GAP43: variants seen among roughly 807,000 people sequenced by gnomAD.
The protein encoded by GAP43 is growth associated protein 43.
In GAP43, 6 loss-of-function variants were observed where a neutral mutation model predicts 18.6. That is an observed-to-expected ratio of 0.32 (90% CI 0.18 to 0.64). The LOEUF (loss-of-function observed/expected upper bound fraction) is 0.64. GAP43 is among the 30% of genes least tolerant of loss of function. GAP43 has a pLI of 0.78. For synonymous variants in GAP43, 115 were observed against 111.4 expected (o/e 1.03, Z -0.20); for missense variants, 292 against 295.5 (o/e 0.99, Z 0.09).
In GAP43 at chr3:115,638,559, T is replaced by A. The variant is rs182666739; in HGVS notation, c.30+14840T>A. ...GGGATGCTCTCAATCTGATTTTTTTTAAAAAGTATTTACTTTTCAATATTC... is the reference window on the plus strand; with the variant it reads ...GGGATGCTCTCAATCTGATTTTTTTAAAAAAGTATTTACTTTTCAATATTC... On this transcript the variant is annotated intron_variant, in intron 1 of 2. Coordinates refer to ENST00000305124, the MANE Select transcript of GAP43 (RefSeq NM_002045.4). Among the ~76,000 whole-genome samples, 846 of 151,960 alleles carry A rather than the reference T, an allele frequency of 5.6e-3. 8 individuals carry two copies. Among genetic ancestry groups the A allele is most frequent in the African/African-American group, 0.019 (786 of 41,498 alleles).
At chr3:115,632,707 TA>T (rs966827242) in intron 1 of GAP43, among the ~76,000 whole-genome samples, 6 of 151,978 alleles carry the variant, frequency 3.9e-5, no homozygotes, top group African/African-American at 7.2e-5. Context: ...AAGTTTAGCA[TA>T]AAAAAATTAG....
intron 2 of GAP43, among the ~76,000 whole-genome samples, chr3:115,683,896 C>G (rs942622413): frequency 6.6e-6 from 1 of 151,920 alleles, no homozygotes; most frequent in African/African-American, 2.4e-5. Flanking sequence ...ACTAACAGGT[C>G]TAAGTATTTG....
At position 115,720,996 on chromosome 3, in the gene GAP43, G is replaced by T; in HGVS notation, c.*114G>T. 2.0e-6 allele frequency: 1 copy of T among 496,908 alleles called. No individual in the cohort carries two copies. Among genetic ancestry groups the T allele is most frequent in the Non-Finnish European group, 3.6e-6 (1 of 275,812 alleles). The allele number at this position is 496,908 out of a possible 1,614,324, so 30.8% of individuals were successfully genotyped here. A position where few individuals can be genotyped will look rare whatever the true frequency, so the allele number is the denominator to read the frequency against. ...CTTCCTGTCCTGCTCACGTCTGTGA[G>T]TCTGTCCTTTCCCACCCACTAGCCC... On this transcript the variant is annotated 3_prime_UTR_variant, in exon 3 of 3. Transcript: ENST00000305124.
At chr3:115,623,801 T>A in intron 1 of GAP43, 82 bp downstream of exon 1, 1 of 1,440,218 alleles carries the variant, frequency 6.9e-7, no homozygotes, top group Non-Finnish European at 9.8e-7. Context: ...ACAATTTTTT[T>A]ACTGCTTCTG....
chr3:115,625,068 A>G (rs1708169780), intron 1 of GAP43, among the ~76,000 whole-genome samples: 1 of 152,032 alleles, frequency 6.6e-6, no homozygotes, highest in Non-Finnish European at 1.5e-5. Flanking sequence ...AAGAGAGTGG[A>G]GAAGAAACAG....
intron 1 of GAP43, among the ~76,000 whole-genome samples, chr3:115,653,395 T>A (rs1272414821): frequency 1.3e-5 from 2 of 152,094 alleles, no homozygotes; most frequent in Non-Finnish European, 2.9e-5. Context: ...TGAGTTGAGA[T>A]CTTGCCACTG....
intron 1 of GAP43, chr3:115,659,081 C>G (rs1003439190): frequency 6.6e-6 from 1 of 152,224 alleles, no homozygotes; most frequent in African/African-American, 2.4e-5. Flanking sequence ...TAGCATTCTT[C>G]GGGCTGTTTG....
intron 2 of GAP43, among the ~76,000 whole-genome samples, chr3:115,701,866 T>C (rs1469552684): frequency 6.6e-6 from 1 of 152,160 alleles, no homozygotes; most frequent in African/African-American, 2.4e-5. Flanking sequence ...GATTCAATTC[T>C]CTTTGAGTCT....
At position 115,623,601 on chromosome 3, in the gene GAP43, C is replaced by A. The variant is rs1708141697; in HGVS notation, c.-89C>A. 3.2e-6 allele frequency: 5 copies of A among 1,539,292 alleles called. No individual in the cohort carries two copies. The highest frequency in any genetic ancestry group is 2.8e-5 in the African/African-American group (2 of 72,150). ...TAGCGCGAGAGAGCGAGTGAGCAAGCGAGCAGAAAAGAGGTGGAGAGGGGG... is the reference window on the plus strand; with the variant it reads ...TAGCGCGAGAGAGCGAGTGAGCAAGAGAGCAGAAAAGAGGTGGAGAGGGGG... On this transcript the variant is annotated 5_prime_UTR_variant, in exon 1 of 3. Transcript: ENST00000305124.
chr3:115,637,871 T>C (rs1287817419), intron 1 of GAP43, among the ~76,000 whole-genome samples: 1 of 152,102 alleles, frequency 6.6e-6, no homozygotes, highest in Non-Finnish European at 1.5e-5. Context: ...ATATCTTCTT[T>C]TTTTCATTGG....
chr3:115,681,955 T>A (rs1483017962), intron 2 of GAP43, among the ~76,000 whole-genome samples: 1 of 152,200 alleles, frequency 6.6e-6, no homozygotes, highest in Non-Finnish European at 1.5e-5. Flanking sequence ...ATCCAAGTGC[T>A]ATTCTGGAAG....
chr3:115,667,394 T>C (rs1246126992), intron 1 of GAP43, among the ~76,000 whole-genome samples: 25 of 152,170 alleles, frequency 1.6e-4, no homozygotes, highest in Admixed American at 1.6e-3. Context: ...TTGAACAAAA[T>C]GTCTCAAGTA....
intron 2 of GAP43, among the ~76,000 whole-genome samples, chr3:115,700,276 A>C (rs867607333): frequency 1.3e-5 from 2 of 152,194 alleles, no homozygotes; most frequent in Middle Eastern, 3.2e-3. Context: ...AAATGTCTGA[A>C]TATTTCCTCA....
chr3:115,714,863 G>C (rs1038889344), intron 2 of GAP43, among the ~76,000 whole-genome samples: 1 of 138,046 alleles, frequency 7.2e-6, no homozygotes, highest in Non-Finnish European at 1.6e-5. Context: ...ATAGATACAC[G>C]TGTGCGCGTG....
At chr3:115,688,255 G>C (rs1418985612) in intron 2 of GAP43, among the ~76,000 whole-genome samples, 1 of 152,048 alleles carries the variant, frequency 6.6e-6, no homozygotes, top group Non-Finnish European at 1.5e-5. Context: ...CTGGCCTCAA[G>C]TGATCCACCC....
intron 1 of GAP43, among the ~76,000 whole-genome samples, chr3:115,672,793 C>A (rs756777877): frequency 6.7e-6 from 1 of 149,628 alleles, no homozygotes; most frequent in African/African-American, 2.5e-5. Flanking sequence ...CATTTCCCTG[C>A]GTCTGTTTCT....
At chr3:115,685,353 G>A (rs1208524958) in intron 2 of GAP43, among the ~76,000 whole-genome samples, 1 of 152,198 alleles carries the variant, frequency 6.6e-6, no homozygotes, top group Non-Finnish European at 1.5e-5. Context: ...AACACCCAGG[G>A]AAGAAATGAT....
chr3:115,649,779 C>T (rs1708499741), intron 1 of GAP43, among the ~76,000 whole-genome samples: 2 of 142,210 alleles, frequency 1.4e-5, no homozygotes, highest in South Asian at 4.5e-4. Flanking sequence ...AGTTCAAGAC[C>T]AGTCTGAGCA....
At chr3:115,703,560 T>C (rs1057390317) in intron 2 of GAP43, among the ~76,000 whole-genome samples, 1 of 152,124 alleles carries the variant, frequency 6.6e-6, no homozygotes, top group African/African-American at 2.4e-5. Flanking sequence ...CTCCACAGCC[T>C]CTTTCTACTC....
Sources: allele counts gnomAD v4.1 joint callset (sites outside exome capture counted in the v4.1 genomes callset), GRCh38; gene constraint gnomAD v4.1.1; transcripts MANE v1.5; gene names NCBI Gene and HGNC (gene_info 2026-07-23, HGNC 2026-07-21).